HUNK: variants seen among roughly 807,000 people sequenced by gnomAD.
HUNK encodes hormonally up-regulated Neu-associated kinase.
Under a neutral mutation model 61.0 loss-of-function variants are expected in HUNK, and 21 were observed. The ratio of observed to expected loss-of-function variants is 0.34; its 90% confidence interval spans 0.24 to 0.50. The LOEUF is 0.50. Ranked by LOEUF, HUNK falls within the 20% of genes least tolerant of loss-of-function variation. HUNK has a pLI of 0.98. For synonymous variants in HUNK, 371 were observed against 386.1 expected, an observed-to-expected ratio of 0.96 and a Z score of 0.46; for missense variants, 772 against 945.7, an observed-to-expected ratio of 0.82 and a Z score of 2.41.
chr21:31,875,311 C>A (rs1053541371), intron 1 of HUNK, among the ~76,000 whole-genome samples: 1 of 152,130 alleles, frequency 6.6e-6, no homozygotes, highest in African/African-American at 2.4e-5. Context: ...TGTCTTGGAG[C>A]CTTTTGCCTG....
chr21:31,933,784 CA>C (rs373565140), intron 2 of HUNK, among the ~76,000 whole-genome samples: 13,149 of 111,088 alleles, frequency 0.12, 700 homozygotes, highest in African/African-American at 0.21. Context: ...GACTCTGTCT[CA>C]AAAAAAAAAA....
At position 31,924,670 on chromosome 21, in the gene HUNK, A is replaced by G; in HGVS notation, c.464A>G (p.Lys155Arg). 1 of 1,614,190 alleles carries G rather than the reference A, an allele frequency of 6.2e-7. No individual in the cohort carries two copies. The highest frequency in any genetic ancestry group is 1.1e-5 in the South Asian group (1 of 91,082). The change falls in exon 2 of 11, where the codon AAG (lysine) becomes AGG (arginine). Residue 155 changes from lysine (K) to arginine (R), a missense_variant. Lys to Arg is a conservative substitution (Grantham distance 26). This residue lies in a region of HUNK where 359 missense variants were observed against 501.3 expected (regional missense o/e 0.72). Transcript: ENST00000270112. This position sits in a 1 kb window ranked among gnomAD's most constrained non-coding sequence, Gnocchi z 5.1. ...AACCTGATGCACAAGATCTATGAGA[A>G]GAAGCGGCTGGAGGAGTCCGAAGCC... is the stretch of plus-strand genomic sequence containing the variant. ...GGNLMHKIYE[K>R]KRLEESEARR... is the part of the protein sequence containing the mutation.
intron 1 of HUNK, among the ~76,000 whole-genome samples, chr21:31,917,688 CCAAACATACACA>C (rs1330688215): frequency 3.2e-5 from 3 of 94,788 alleles, no homozygotes; most frequent in Non-Finnish European, 4.2e-5. Flanking sequence ...ACTCCCATTC[CCAAACATACACA>C]CACACACACA....
intron 1 of HUNK, among the ~76,000 whole-genome samples, chr21:31,909,035 T>C (rs2097697678): frequency 6.6e-6 from 1 of 152,170 alleles, no homozygotes; most frequent in African/African-American, 2.4e-5. Flanking sequence ...GTTTTAACAA[T>C]ACTCATCTCC....
At chr21:31,964,815 G>A (rs1462347084) in intron 5 of HUNK, among the ~76,000 whole-genome samples, 7 of 152,152 alleles carry the variant, frequency 4.6e-5, no homozygotes, top group African/African-American at 1.4e-4. Flanking sequence ...GATGCAGAGC[G>A]CTCGGTTATG....
At chr21:31,973,496 C>A (rs1043105428) in intron 6 of HUNK, among the ~76,000 whole-genome samples, 1 of 152,138 alleles carries the variant, frequency 6.6e-6, no homozygotes, top group Non-Finnish European at 1.5e-5. Flanking sequence ...TTTGACACAG[C>A]CCCACTACCA....
chr21:31,880,168 G>A (rs529167889), intron 1 of HUNK, among the ~76,000 whole-genome samples: 10 of 152,088 alleles, frequency 6.6e-5, no homozygotes, highest in African/African-American at 9.7e-5. Flanking sequence ...TGCCCCTCCC[G>A]TGCACATTCT....
rs2053228161 is a variant in HUNK at position 31,999,097 on chromosome 21, C to T, written c.2058C>T (p.Pro686=). The T allele has an allele frequency of 6.2e-7, 1 of 1,614,204 alleles. No homozygotes were observed. The change falls in exon 11 of 11, where the codon CCC becomes CCT. Residue 686 remains proline, a synonymous_variant. Transcript: ENST00000270112. ...HQSLQPSADR[P]LEASLPPLQP... ...GTCTGCAGCCATCTGCAGATAGGCC[C>T]CTGGAGGCCAGCCTGCCCCCACTGC...
intron 4 of HUNK, 98 bp downstream of exon 4, chr21:31,946,269 T>A: frequency 8.1e-7 from 1 of 1,231,928 alleles, no homozygotes; most frequent in Non-Finnish European, 1.1e-6. Flanking sequence ...CATGTATAGG[T>A]GACAGGCCCA....
At chr21:31,944,872 G>A (rs1169932616) in intron 3 of HUNK, among the ~76,000 whole-genome samples, 1 of 152,118 alleles carries the variant, frequency 6.6e-6, no homozygotes, top group Non-Finnish European at 1.5e-5. Flanking sequence ...AAAACATTTT[G>A]GCTGTGACAT....
intron 2 of HUNK, among the ~76,000 whole-genome samples, chr21:31,932,580 T>C (rs2052705674): frequency 6.6e-6 from 1 of 152,092 alleles, no homozygotes; most frequent in Admixed American, 6.5e-5. Flanking sequence ...CTAGAGGGTG[T>C]GGAGGAGTCT....
chr21:31,983,358 A>G (rs528227780), intron 7 of HUNK, among the ~76,000 whole-genome samples, 168 bp from the exon 8 acceptor site: 1 of 152,306 alleles, frequency 6.6e-6, no homozygotes, highest in East Asian at 1.9e-4. Context: ...CCACACTGCA[A>G]CCTGCCTGCA....
At chr21:31,928,304 G>C (rs2052674847) in intron 2 of HUNK, among the ~76,000 whole-genome samples, 1 of 152,184 alleles carries the variant, frequency 6.6e-6, no homozygotes, top group Non-Finnish European at 1.5e-5. Context: ...GAACAACAAA[G>C]AAAACCAAGT....
intron 5 of HUNK, among the ~76,000 whole-genome samples, chr21:31,963,088 C>T (rs751742134): frequency 3.3e-4 from 50 of 152,210 alleles, no homozygotes; most frequent in Non-Finnish European, 6.2e-4. Flanking sequence ...AAGTTTATCT[C>T]CTCTCCCTTC....
rs145042700 is a variant in HUNK, at chr21:31,957,198, G to A, written c.747-1645G>A. 2.0e-4 allele frequency among the ~76,000 whole-genome samples: 31 copies of A among 152,296 alleles called. No individual in the cohort carries two copies. In the East Asian group the frequency reaches 3.1e-3, roughly 15 times the overall value. ...ACTGTGCTCATCTATTTGTTTGCAC[G>A]TTGCTTGCCTGTCTTCTTCCCCACT... On this transcript the variant is annotated intron_variant, in intron 4 of 10. Coordinates refer to ENST00000270112, the MANE Select transcript of HUNK (RefSeq NM_014586.2).
intron 1 of HUNK, among the ~76,000 whole-genome samples, chr21:31,875,906 C>A (rs1024311948): frequency 4.6e-5 from 7 of 152,144 alleles, no homozygotes; most frequent in Non-Finnish European, 2.9e-5. Flanking sequence ...TCTGTAGCAG[C>A]GCATTTTTGC....
chr21:31,997,214 T>C (rs2053211896), intron 10 of HUNK, among the ~76,000 whole-genome samples: 1 of 152,220 alleles, frequency 6.6e-6, no homozygotes, highest in African/African-American at 2.4e-5. Flanking sequence ...ATTTCCCTCA[T>C]CCCCAAATCT....
intron 1 of HUNK, among the ~76,000 whole-genome samples, chr21:31,908,507 C>T (rs753277651): frequency 1.3e-5 from 2 of 151,904 alleles, no homozygotes; most frequent in East Asian, 1.9e-4. Context: ...GGGGATGAAC[C>T]GGTCGGGCAA....
At position 31,905,808 on chromosome 21, in the gene HUNK, G is replaced by A. The variant is rs186460858; in HGVS notation, c.262-18660G>A. Among the ~76,000 whole-genome samples, 13 of 152,334 alleles carry A rather than the reference G, an allele frequency of 8.5e-5. 1 individual carries two copies. The highest frequency in any genetic ancestry group is 2.0e-4 in the Admixed American group (3 of 15,306). Reference sequence around the variant, plus strand: ...GAACACAGGCATGGGGGCTAGCCCCGATGTTTAGTGTGTGATTTAGTGGGG... The same window carrying A: ...GAACACAGGCATGGGGGCTAGCCCCAATGTTTAGTGTGTGATTTAGTGGGG... On this transcript the variant is annotated intron_variant, in intron 1 of 10. Transcript: ENST00000270112.
Sources: allele counts gnomAD v4.1 joint callset (sites outside exome capture counted in the v4.1 genomes callset), GRCh38; gene constraint gnomAD v4.1.1; regional missense constraint gnomAD v4.1.1; non-coding constraint Gnocchi (gnomAD v3.1); transcripts MANE v1.5; gene names NCBI Gene and HGNC (gene_info 2026-07-23, HGNC 2026-07-21).